The following VSIG1 variants were observed in gnomAD, a reference collection of about 807,000 sequenced individuals.
VSIG1 encodes the protein V-set and immunoglobulin domain containing 1.
In VSIG1, 11 loss-of-function variants were observed where a neutral mutation model predicts 20.1. That is an observed-to-expected ratio of 0.55 (90% confidence interval 0.34 to 0.91). VSIG1 has a LOEUF of 0.91. VSIG1 is among the 40% of genes least tolerant of loss of function. VSIG1 has a pLI of 0.02. For missense variants in VSIG1, 283 were observed against 298.8 expected (o/e 0.95, Z 0.39); for synonymous variants, 126 against 116.7 (o/e 1.08, Z -0.52).
Position 108,047,764 on chromosome X carries a change from TTCTCTCTC to T in VSIG1, c.49+2605_49+2612del, listed in dbSNP as rs1178957774. Among the ~76,000 whole-genome samples, 38 of 61,241 alleles carry T rather than the reference TTCTCTCTC, an allele frequency of 6.2e-4. 2 individuals carry two copies. Among genetic ancestry groups the T allele is most frequent in the African/African-American group, 2.7e-3 (34 of 12,758 alleles). The allele number at this position is 61,241 out of a possible 115,157, so 53.2% of individuals were successfully genotyped here. ...ACAATCACCACCAAAATACAAGACATTCTCTCTCTCTCTCTCTCTCTCTCTCTATATAT... is the reference window on the plus strand; with the variant it reads ...ACAATCACCACCAAAATACAAGACATTCTCTCTCTCTCTCTCTCTATATAT... On this transcript the variant is annotated intron_variant, in intron 1 of 6. Coordinates refer to ENST00000217957, the MANE Select transcript of VSIG1 (RefSeq NM_182607.5).
At chrX:108,047,903 T>TATATATGTACAC (rs1555980337) in intron 1 of VSIG1, among the ~76,000 whole-genome samples, 1 of 17,388 alleles carries the variant, frequency 5.8e-5, no homozygotes, top group Non-Finnish European at 8.1e-5. Flanking sequence ...TATATATATA[T>TATATATGTACAC]ACACATATAT....
At chrX:108,055,578 T>A (rs1399192927) in intron 1 of VSIG1, among the ~76,000 whole-genome samples, 1 of 111,649 alleles carries the variant, frequency 9.0e-6, no homozygotes, top group Non-Finnish European at 1.9e-5. Context: ...ACTAGCAAAT[T>A]GAATCCAACA....
At chrX:108,026,187 A>C in the VSIG1 span, among the ~76,000 whole-genome samples, 1 of 112,061 alleles carries the variant, frequency 8.9e-6, no homozygotes, top group Admixed American at 9.5e-5. Flanking sequence ...ATAGGAACCC[A>C]TCTGATTGGA....
At chrX:108,035,049 T>A in the VSIG1 span, among the ~76,000 whole-genome samples, 1 of 112,477 alleles carries the variant, frequency 8.9e-6, no homozygotes, top group Non-Finnish European at 1.9e-5. Context: ...CATTTTTTCC[T>A]GCTTTTGTGT....
At chrX:108,065,136 T>C (rs183065112) in intron 2 of VSIG1, among the ~76,000 whole-genome samples, 9 of 112,379 alleles carry the variant, frequency 8.0e-5, no homozygotes, top group Non-Finnish European at 1.5e-4. Context: ...CTGGGATTTT[T>C]CCCTCAAAAT....
chrX:108,068,549 A>AAC (rs1371592177), intron 3 of VSIG1, among the ~76,000 whole-genome samples: 17 of 111,775 alleles, frequency 1.5e-4, no homozygotes, highest in Non-Finnish European at 2.6e-4. Context: ...AAGATGTCTC[A>AAC]CATGGCTGGA....
At chrX:108,058,275 A>G in intron 2 of VSIG1, 74 bp downstream of exon 2, 1 of 1,027,877 alleles carries the variant, frequency 9.7e-7, no homozygotes, top group Admixed American at 2.8e-5. Flanking sequence ...AAAAAATGTG[A>G]AATGTGAAAG....
Position 108,067,077 on chromosome X carries a change from A to G in VSIG1, c.355A>G (p.Asn119Asp). Reference sequence around the variant, plus strand: ...CAGTGGAATTTACATCTGCGATGTTAACAACCCCCCAGACTTTCTCGGCCA... The same window carrying G: ...CAGTGGAATTTACATCTGCGATGTTGACAACCCCCCAGACTTTCTCGGCCA... ...ADSGIYICDV[N>D]NPPDFLGQNQ... Residue 119 changes from asparagine (N) to aspartate (D), a missense_variant, in exon 3 of 7, where the codon AAC (asparagine) becomes GAC (aspartate). Coordinates refer to ENST00000217957, the MANE Select transcript of VSIG1 (RefSeq NM_182607.5). 8.3e-7 allele frequency: 1 copy of G among 1,211,493 alleles called. No homozygotes were observed. Among genetic ancestry groups the G allele is most frequent in the Non-Finnish European group, 1.1e-6 (1 of 895,380 alleles).
chrX:108,041,081 G>T (rs1353694989), upstream of VSIG1, among the ~76,000 whole-genome samples: 4 of 107,458 alleles, frequency 3.7e-5, no homozygotes, highest in East Asian at 1.1e-3. Flanking sequence ...GGATAAATCA[G>T]ATATCACATA....
At chrX:108,037,199 T>C in the VSIG1 span, among the ~76,000 whole-genome samples, 1 of 112,409 alleles carries the variant, frequency 8.9e-6, no homozygotes, top group South Asian at 3.7e-4. Context: ...CTGACTAGAT[T>C]TCACCTTTCA....
chrX:108,076,154 T>C lies in VSIG1; in HGVS notation c.766T>C (p.Phe256Leu). 1 of 1,211,425 alleles carries C rather than the reference T, an allele frequency of 8.3e-7. No individual in the cohort carries two copies. Among genetic ancestry groups the C allele is most frequent in the East Asian group, 3.0e-5 (1 of 33,859 alleles). Residue 256 changes from phenylalanine to leucine, a missense_variant, in exon 6 of 7, where the codon TTC (phenylalanine) becomes CTC (leucine). Transcript: ENST00000217957. ...CGCCATCATCATCTCTGTTGTGTGC[T>C]TCGCAAGGAATAAGGCAAAAGCAAA... ...GAAIIISVVCFARNKAKAKAK... is the reference protein window; with the variant it reads ...GAAIIISVVCLARNKAKAKAK...
At chrX:108,071,667 C>G (rs1159195901) in intron 3 of VSIG1, among the ~76,000 whole-genome samples, 1 of 110,631 alleles carries the variant, frequency 9.0e-6, no homozygotes, top group Non-Finnish European at 1.9e-5. Flanking sequence ...CATCTCTCAT[C>G]CCTCTCCCAC....
chrX:108,048,402 A>G (rs812079), intron 1 of VSIG1, among the ~76,000 whole-genome samples: 54,047 of 111,203 alleles, frequency 0.49, 10,107 homozygotes, highest in African/African-American at 0.65. Context: ...AAGTTTTAGG[A>G]TACATGTGCA....
intron 2 of VSIG1, among the ~76,000 whole-genome samples, chrX:108,062,056 C>T (rs1336367038): frequency 9.1e-6 from 1 of 110,230 alleles, no homozygotes; most frequent in Non-Finnish European, 1.9e-5. Context: ...AAACTCTAGG[C>T]CAGGTATGGG....
intron 1 of VSIG1, among the ~76,000 whole-genome samples, chrX:108,051,913 C>G (rs1165883949): frequency 3.6e-5 from 4 of 111,663 alleles, no homozygotes; most frequent in African/African-American, 9.8e-5. Flanking sequence ...CATAATCTCA[C>G]TTATATGTGA....
chrX:108,053,988 T>C lies in VSIG1; in HGVS notation c.50-4050T>C, dbSNP rs182502044. Among the ~76,000 whole-genome samples, 40 of 111,668 alleles carry C rather than the reference T, an allele frequency of 3.6e-4. No individual in the cohort carries two copies. In the East Asian group the frequency reaches 0.011, roughly 30 times the overall value. ...GGTCTTGGAATATATCTCCCTGGAA[T>C]AAGGGGGAACTACTCTATATGCTAT... On this transcript the variant is annotated intron_variant, in intron 1 of 6. Coordinates refer to ENST00000217957, the MANE Select transcript of VSIG1 (RefSeq NM_182607.5).
rs933717322 is a variant in VSIG1 at position 108,072,952 on chromosome X, G to A, written c.568+120G>A. On this transcript the variant is annotated intron_variant, in intron 4 of 6. Coordinates refer to ENST00000217957, the MANE Select transcript of VSIG1 (RefSeq NM_182607.5). ...ATCTTCTTGTTTTCTCAGTGGTGGC[G>A]GGTGGAGGGGGGCGGCTGGTAATGT... 90 of 741,308 alleles carry A rather than the reference G, an allele frequency of 1.2e-4. 2 individuals are homozygous for A. The South Asian group carries it at 2.1e-3, about 18-fold the overall frequency. 61.1% of individuals were successfully genotyped at this position (741,308 alleles called of 1,213,427 possible). A position where few individuals can be genotyped will look rare whatever the true frequency, so the allele number is the denominator to read the frequency against.
At chrX:108,073,926 T>A (rs748164965) in intron 5 of VSIG1, 1 of 111,625 alleles carries the variant, frequency 9.0e-6, no homozygotes, top group African/African-American at 3.3e-5. Flanking sequence ...CTCAGGGAAG[T>A]AAATGACTTG....
chrX:108,061,374 A>G, intron 2 of VSIG1: 1 of 943,549 alleles, frequency 1.1e-6, no homozygotes, highest in African/African-American at 1.9e-5. Context: ...TTGATGTGGC[A>G]GTATACTGTA....
Sources: allele counts gnomAD v4.1 joint callset (sites outside exome capture counted in the v4.1 genomes callset), GRCh38; gene constraint gnomAD v4.1.1; transcripts MANE v1.5; gene names NCBI Gene and HGNC (gene_info 2026-07-23, HGNC 2026-07-21).